Variants in TASP1 observed in about 807,000 individuals in gnomAD.
TASP1 encodes the protein threonine aspartase 1.
In TASP1, 16 loss-of-function variants were observed where a neutral mutation model predicts 56.6. That is an observed-to-expected ratio of 0.28 (90% confidence interval 0.19 to 0.43). The LOEUF is 0.43. Among genes scored for constraint, TASP1 ranks in the 20% least tolerant of loss-of-function variants. The pLI is 1.00. For missense variants in TASP1, 393 were observed against 511.6 expected (o/e 0.77, Z 2.24); for synonymous variants, 179 against 184.2 (o/e 0.97, Z 0.23).
chr20:13,152,868 T>G, the TASP1 span, among the ~76,000 whole-genome samples: 1 of 152,186 alleles, frequency 6.6e-6, no homozygotes, highest in East Asian at 1.9e-4. Flanking sequence ...CAGATGACTA[T>G]GATTGACATG....
the TASP1 span, among the ~76,000 whole-genome samples, chr20:13,136,433 C>A: frequency 1.3e-5 from 2 of 151,550 alleles, no homozygotes; most frequent in Non-Finnish European, 2.9e-5. Context: ...CCTGTCTCTA[C>A]CAAAACATAC....
At chr20:13,466,639 G>C (rs1362596309) in intron 11 of TASP1, among the ~76,000 whole-genome samples, 1 of 152,170 alleles carries the variant, frequency 6.6e-6, no homozygotes, top group African/African-American at 2.4e-5. Context: ...CACAGGGGAG[G>C]CTGAGGCAGG....
In TASP1 at chr20:13,598,137, C is replaced by T. The variant is rs1451874784; in HGVS notation, c.283-10767G>A. On this transcript the variant is annotated intron_variant, in intron 4 of 13. Transcript: ENST00000337743. The stretch of plus-strand genomic sequence containing the variant: ...GTAATTTATAGATTCAATGCCATCC[C>T]CATCAAGCTACCAATGACTTTCTTT... Among the ~76,000 whole-genome samples the T allele has an allele frequency of 2.6e-5, 4 of 152,128 alleles. No individual in the cohort carries two copies. In the East Asian group the frequency reaches 7.7e-4, roughly 29 times the overall value.
the TASP1 span, among the ~76,000 whole-genome samples, chr20:13,191,977 T>C: frequency 6.6e-6 from 1 of 152,290 alleles, no homozygotes; most frequent in East Asian, 1.9e-4. Flanking sequence ...TTGTGAGAAA[T>C]AAGTTTCTGT....
chr20:13,381,872 G>A, the TASP1 span, among the ~76,000 whole-genome samples: 1 of 152,210 alleles, frequency 6.6e-6, no homozygotes, highest in East Asian at 1.9e-4. Context: ...GGGCAAGGGT[G>A]ATTGGGACCT....
At chr20:13,344,782 C>T in the TASP1 span, among the ~76,000 whole-genome samples, 22 of 152,284 alleles carry the variant, frequency 1.4e-4, no homozygotes, top group Non-Finnish European at 1.8e-4. Context: ...ACAGTGCTCG[C>T]GCCTCTCCAT....
the TASP1 span, among the ~76,000 whole-genome samples, chr20:13,340,286 G>A: frequency 3.9e-5 from 6 of 152,250 alleles, no homozygotes; most frequent in South Asian, 1.0e-3. Context: ...GGATGACAGA[G>A]TGGGCCTGCA....
At chr20:13,245,857 T>C in the TASP1 span, among the ~76,000 whole-genome samples, 5,506 of 152,260 alleles carry the variant, frequency 0.036, 172 homozygotes, top group African/African-American at 0.077. Flanking sequence ...CCTTTCCTGC[T>C]CCTCAATTTA....
chr20:13,392,805 C>G (rs2041342401), intron 13 of TASP1: 1 of 629,834 alleles, frequency 1.6e-6, no homozygotes, highest in Admixed American at 1.8e-5. Flanking sequence ...ACTACATAGT[C>G]TACATGTTCC....
intron 13 of TASP1, among the ~76,000 whole-genome samples, chr20:13,412,943 A>AG (rs1457738221): frequency 6.6e-6 from 1 of 152,096 alleles, no homozygotes; most frequent in Non-Finnish European, 1.5e-5. Flanking sequence ...GAAAGGCTTA[A>AG]GGCAAGGTAA....
chr20:13,212,526 T>A, the TASP1 span, among the ~76,000 whole-genome samples: 1 of 152,134 alleles, frequency 6.6e-6, no homozygotes, highest in African/African-American at 2.4e-5. Flanking sequence ...CACACAAAAG[T>A]GTGAGAACAG....
At chr20:13,499,103 A>G (rs953896395) in intron 10 of TASP1, among the ~76,000 whole-genome samples, 5 of 152,240 alleles carry the variant, frequency 3.3e-5, no homozygotes, top group African/African-American at 1.2e-4. Context: ...AATGTGGTAC[A>G]TATACGCCCT....
At chr20:13,491,630 T>C (rs2043530464) in intron 10 of TASP1, among the ~76,000 whole-genome samples, 1 of 152,202 alleles carries the variant, frequency 6.6e-6, no homozygotes, top group African/African-American at 2.4e-5. Flanking sequence ...CCCAACAAAA[T>C]CATATTGTCA....
the TASP1 span, among the ~76,000 whole-genome samples, chr20:13,198,171 T>A: frequency 6.6e-6 from 1 of 152,188 alleles, no homozygotes; most frequent in Admixed American, 6.5e-5. Flanking sequence ...TGATAAGAAA[T>A]GTGTCTTAAT....
At chr20:13,411,019 A>T (rs577308623) in intron 13 of TASP1, among the ~76,000 whole-genome samples, 18 of 152,306 alleles carry the variant, frequency 1.2e-4, no homozygotes, top group African/African-American at 4.1e-4. Flanking sequence ...GAAGAGAGTC[A>T]GGCATTCAGT....
At chr20:13,516,871 A>G (rs1184542107) in intron 10 of TASP1, among the ~76,000 whole-genome samples, 1 of 152,086 alleles carries the variant, frequency 6.6e-6, no homozygotes, top group Non-Finnish European at 1.5e-5. Context: ...CCTTCCTTCC[A>G]TGATGTCCTC....
the TASP1 span, among the ~76,000 whole-genome samples, chr20:13,322,564 C>A: frequency 6.6e-6 from 1 of 152,194 alleles, no homozygotes; most frequent in Non-Finnish European, 1.5e-5. Context: ...AAGAAGATTT[C>A]AAAGAGGAAG....
chr20:13,438,656 G>T (rs2043102450), intron 11 of TASP1, among the ~76,000 whole-genome samples: 1 of 152,112 alleles, frequency 6.6e-6, no homozygotes, highest in Admixed American at 6.6e-5. Context: ...TTGACAAATG[G>T]GATCTAATTA....
chr20:13,528,468 G>A lies in TASP1; in HGVS notation c.839C>T (p.Ala280Val), dbSNP rs764160514. 4 of 1,611,272 alleles carry A rather than the reference G, an allele frequency of 2.5e-6. No individual in the cohort carries two copies. The highest frequency in any genetic ancestry group is 1.1e-5 in the South Asian group (1 of 90,672). The change falls in exon 10 of 14, where the codon GCT becomes GTT. Residue 280 changes from alanine to valine, a missense_variant. Physicochemically the swap from Ala to Val is moderately conservative, Grantham distance 64. Transcript: ENST00000337743. ...CACAGCTGTGGAGTAGGGGTTATGA[G>A]CTCCAGTATTTTCAGCCCAGCAGCC... ...GCGCWAENTG[A>V]HNPYSTAVST...
Sources: gnomAD v4.1 joint callset for allele counts (sites outside exome capture counted in the v4.1 genomes callset) on GRCh38, gnomAD v4.1.1 for gene constraint, MANE v1.5 for transcripts, NCBI Gene and HGNC (gene_info 2026-07-23, HGNC 2026-07-21) for gene names.